BCL2L1: variants seen among roughly 807,000 people sequenced by gnomAD.
BCL2L1 encodes bcl-2-like protein 1.
A neutral mutation model predicts 18.7 loss-of-function variants in BCL2L1; 1 was observed. The observed-to-expected ratio is 0.05, with a 90% confidence interval of 0.02 to 0.25. The LOEUF is 0.25. BCL2L1 is among the 10% of genes least tolerant of loss of function. The pLI is 1.00. For synonymous variants in BCL2L1, 103 were observed against 122.7 expected (o/e 0.84, Z 1.06); for missense variants, 207 against 304.9 (o/e 0.68, Z 2.39).
At chr20:31,712,584 C>G (rs1408535561) in intron 2 of BCL2L1, among the ~76,000 whole-genome samples, 1 of 152,174 alleles carries the variant, frequency 6.6e-6, no homozygotes, top group Non-Finnish European at 1.5e-5. Flanking sequence ...AGAGAAGTCT[C>G]AGCAGCTGTT....
At chr20:31,671,924 CTATAT>C (rs2060676504) in intron 2 of BCL2L1, among the ~76,000 whole-genome samples, 1 of 143,626 alleles carries the variant, frequency 7.0e-6, no homozygotes, top group Admixed American at 7.1e-5. Flanking sequence ...TTTACATATA[CTATAT>C]ATTATATATT....
At chr20:31,706,016 G>A (rs2061363756) in intron 2 of BCL2L1, among the ~76,000 whole-genome samples, 1 of 152,116 alleles carries the variant, frequency 6.6e-6, no homozygotes, top group Admixed American at 6.5e-5. Flanking sequence ...GACTCCCTGG[G>A]ACTTCCCTGA....
At chr20:31,678,069 G>C (rs1210024781) in intron 2 of BCL2L1, among the ~76,000 whole-genome samples, 1 of 152,202 alleles carries the variant, frequency 6.6e-6, no homozygotes, top group Non-Finnish European at 1.5e-5. Context: ...GATAAGGAAA[G>C]GGGACAGGAA....
intron 2 of BCL2L1, among the ~76,000 whole-genome samples, chr20:31,711,262 C>T (rs1014027968): frequency 6.6e-6 from 1 of 152,246 alleles, no homozygotes; most frequent in African/African-American, 2.4e-5. Context: ...ATTATTCTCT[C>T]AGGCTTATGG....
At chr20:31,714,045 T>C (rs576616128) in intron 2 of BCL2L1, among the ~76,000 whole-genome samples, 2 of 152,306 alleles carry the variant, frequency 1.3e-5, no homozygotes, top group South Asian at 4.1e-4. Flanking sequence ...TACATAAATA[T>C]AGGGTAGCAC....
intron 2 of BCL2L1, among the ~76,000 whole-genome samples, chr20:31,714,822 T>C (rs115265582): frequency 1.1e-3 from 171 of 152,258 alleles, no homozygotes; most frequent in African/African-American, 4.0e-3. Context: ...AAAATATGGT[T>C]TCCAGGATGG....
At chr20:31,723,370 G>C (rs541751640), upstream of BCL2L1, 11 of 985,518 alleles carry the variant, frequency 1.1e-5, no homozygotes, top group African/African-American at 1.9e-4. Flanking sequence ...AGGGGTCGAG[G>C]CCTGCTCGAC....
chr20:31,719,716 G>C (rs949409002), intron 2 of BCL2L1, among the ~76,000 whole-genome samples: 9 of 152,174 alleles, frequency 5.9e-5, no homozygotes, highest in African/African-American at 1.9e-4. Flanking sequence ...TCTTTCATAT[G>C]CACCACTGGG....
At chr20:31,697,341 T>C (rs889176372) in intron 2 of BCL2L1, among the ~76,000 whole-genome samples, 13 of 152,086 alleles carry the variant, frequency 8.5e-5, no homozygotes, top group African/African-American at 3.1e-4. Flanking sequence ...GGATAGAATA[T>C]ACATGAATGT....
intron 2 of BCL2L1, among the ~76,000 whole-genome samples, chr20:31,687,920 G>C (rs1372023081): frequency 6.6e-6 from 1 of 152,096 alleles, no homozygotes; most frequent in Non-Finnish European, 1.5e-5. Context: ...GGCATCAGAG[G>C]ATTGAAACCT....
At chr20:31,668,592 C>T (rs1298760067) in intron 2 of BCL2L1, among the ~76,000 whole-genome samples, 1 of 150,862 alleles carries the variant, frequency 6.6e-6, no homozygotes, top group Admixed American at 6.6e-5. Flanking sequence ...GCACGAGCCA[C>T]CATATCTGGC....
intron 2 of BCL2L1, among the ~76,000 whole-genome samples, chr20:31,703,341 C>T (rs1168734420): frequency 1.3e-5 from 2 of 152,056 alleles, no homozygotes; most frequent in African/African-American, 2.4e-5. Flanking sequence ...CTGCTCCTGG[C>T]TAATTTTTTG....
chr20:31,672,341 G>C (rs2060683916), intron 2 of BCL2L1, among the ~76,000 whole-genome samples: 1 of 152,024 alleles, frequency 6.6e-6, no homozygotes, highest in Non-Finnish European at 1.5e-5. Context: ...GCAGGCATCT[G>C]TAATCCCAGC....
intron 2 of BCL2L1, among the ~76,000 whole-genome samples, chr20:31,677,816 C>T (rs1273123945): frequency 6.6e-6 from 1 of 152,182 alleles, no homozygotes; most frequent in Non-Finnish European, 1.5e-5. Context: ...CTCAAGGAGC[C>T]TAGCTGCTCA....
At chr20:31,704,127 G>A (rs534030992) in intron 2 of BCL2L1, among the ~76,000 whole-genome samples, 20 of 110,264 alleles carry the variant, frequency 1.8e-4, no homozygotes, top group Middle Eastern at 9.6e-3. Context: ...TTTTTGAGAC[G>A]GAGTCTCTCC....
At chr20:31,669,752 CTT>C (rs1411450687) in intron 2 of BCL2L1, among the ~76,000 whole-genome samples, 1 of 152,006 alleles carries the variant, frequency 6.6e-6, no homozygotes, top group Admixed American at 6.6e-5. Context: ...CTAGATGTGT[CTT>C]GATGAGGGCA....
chr20:31,717,022 G>A (rs535666613), intron 2 of BCL2L1, among the ~76,000 whole-genome samples: 2 of 152,282 alleles, frequency 1.3e-5, no homozygotes, highest in South Asian at 2.1e-4. Context: ...AAAAAAGAGG[G>A]AGTCCTTAGG....
At chr20:31,669,386 T>C (rs551988029) in intron 2 of BCL2L1, among the ~76,000 whole-genome samples, 1 of 151,556 alleles carries the variant, frequency 6.6e-6, no homozygotes, top group African/African-American at 2.4e-5. Flanking sequence ...TTTTCCCCCA[T>C]TAAGCTGTAC....
chr20:31,687,446 C>T (rs1478454659), intron 2 of BCL2L1, among the ~76,000 whole-genome samples: 1 of 151,450 alleles, frequency 6.6e-6, no homozygotes, highest in African/African-American at 2.4e-5. Flanking sequence ...GAGGATAACG[C>T]AGGAGGATAA....
Sources: gnomAD v4.1 joint callset for allele counts (sites outside exome capture counted in the v4.1 genomes callset) on GRCh38, gnomAD v4.1.1 for gene constraint, MANE v1.5 for transcripts, NCBI Gene and HGNC (gene_info 2026-07-23, HGNC 2026-07-21) for gene names.